Variants in MYO3B observed in about 807,000 individuals in gnomAD.
The protein encoded by MYO3B is myosin-IIIb.
Under a neutral mutation model 174.6 loss-of-function variants are expected in MYO3B, and 156 were observed. That is an observed-to-expected ratio of 0.89 (90% CI 0.78 to 1.02). MYO3B has a LOEUF of 1.02. MYO3B is among the 50% of genes least tolerant of loss of function. MYO3B has a pLI of 0.00. For synonymous variants in MYO3B, 563 were observed against 569.1 expected, an observed-to-expected ratio of 0.99 and a Z score of 0.15; for missense variants, 1,632 against 1,639.4, an observed-to-expected ratio of 1.00 and a Z score of 0.08.
At chr2:170,450,619 T>C (rs1475705283) in intron 23 of MYO3B, among the ~76,000 whole-genome samples, 1 of 152,106 alleles carries the variant, frequency 6.6e-6, no homozygotes, top group Non-Finnish European at 1.5e-5. Flanking sequence ...TTTCATTGTC[T>C]CTAATATTAC....
chr2:170,535,822 C>G (rs571995410), intron 30 of MYO3B, among the ~76,000 whole-genome samples: 38 of 152,332 alleles, frequency 2.5e-4, no homozygotes, highest in African/African-American at 9.1e-4. Context: ...TCACATAAAG[C>G]TCAGCTGTTC....
chr2:170,549,835 C>A (rs891170275), intron 32 of MYO3B, among the ~76,000 whole-genome samples: 1 of 152,204 alleles, frequency 6.6e-6, no homozygotes, highest in Non-Finnish European at 1.5e-5. Flanking sequence ...GCAACAGAAT[C>A]ACTTCACACT....
intron 32 of MYO3B, among the ~76,000 whole-genome samples, chr2:170,557,662 T>C (rs552711430): frequency 6.6e-6 from 1 of 152,300 alleles, no homozygotes; most frequent in East Asian, 1.9e-4. Context: ...GTGAAATTTA[T>C]ATTCTGAGAG....
chr2:170,566,990 A>G (rs1176899207), intron 32 of MYO3B, among the ~76,000 whole-genome samples: 2 of 152,150 alleles, frequency 1.3e-5, no homozygotes, highest in Non-Finnish European at 1.5e-5. Context: ...CAACCATCCA[A>G]TCTTTAATAT....
intron 30 of MYO3B, among the ~76,000 whole-genome samples, chr2:170,534,552 C>A (rs1689562942): frequency 6.6e-6 from 1 of 152,086 alleles, no homozygotes; most frequent in African/African-American, 2.4e-5. Context: ...CTTAAGTGAT[C>A]CTCCCATTTT....
intron 25 of MYO3B, among the ~76,000 whole-genome samples, chr2:170,494,623 G>C (rs1239890382): frequency 1.3e-5 from 2 of 151,200 alleles, no homozygotes; most frequent in African/African-American, 4.9e-5. Flanking sequence ...AGCTACTCAG[G>C]AGGCTGAGGC....
At chr2:170,489,659 G>GTGTGTGTGTGTA (rs1477534747) in intron 25 of MYO3B, among the ~76,000 whole-genome samples, 7 of 149,240 alleles carry the variant, frequency 4.7e-5, no homozygotes, top group African/African-American at 1.8e-4. Flanking sequence ...GTGTGTGTGT[G>GTGTGTGTGTGTA]TGTGTGTGTC....
intron 25 of MYO3B, among the ~76,000 whole-genome samples, chr2:170,485,422 G>C (rs530180822): frequency 0.061 from 7,282 of 120,284 alleles, 389 homozygotes; most frequent in African/African-American, 0.19. Flanking sequence ...CACACACACA[G>C]AGAGAGAGAG....
chr2:170,461,838 A>T (rs1336089503), intron 23 of MYO3B, among the ~76,000 whole-genome samples: 2 of 150,892 alleles, frequency 1.3e-5, no homozygotes, highest in Non-Finnish European at 3.0e-5. Flanking sequence ...ATATGTATGG[A>T]GGTCGGCGGG....
At chr2:170,203,930 AAG>A (rs1274402224) in intron 3 of MYO3B, among the ~76,000 whole-genome samples, 2 of 152,136 alleles carry the variant, frequency 1.3e-5, no homozygotes, top group Non-Finnish European at 2.9e-5. Context: ...TGTTCAACAA[AAG>A]AGAGAGAGTT....
At chr2:170,492,436 T>G (rs574803912) in intron 25 of MYO3B, among the ~76,000 whole-genome samples, 4 of 152,288 alleles carry the variant, frequency 2.6e-5, no homozygotes, top group African/African-American at 9.6e-5. Context: ...GGTAGTAGAG[T>G]CTGAAGCCTG....
At chr2:170,341,446 C>A (rs945397883) in intron 8 of MYO3B, 1 of 152,144 alleles carries the variant, frequency 6.6e-6, no homozygotes, top group Non-Finnish European at 1.5e-5. Context: ...TAGAAGGATA[C>A]AATAACCTTT....
intron 9 of MYO3B, among the ~76,000 whole-genome samples, chr2:170,374,499 T>C (rs2094274216): frequency 6.6e-6 from 1 of 152,142 alleles, no homozygotes; most frequent in Admixed American, 6.5e-5. Flanking sequence ...TTTTTAAGTG[T>C]TGACAGGTTG....
intron 12 of MYO3B, chr2:170,385,912 A>G (rs1195215864): frequency 8.4e-6 from 2 of 236,988 alleles, no homozygotes; most frequent in Non-Finnish European, 1.6e-5. Context: ...TGACTTAAGT[A>G]TAAGGTTATT....
chr2:170,452,572 A>G (rs1172112700), intron 23 of MYO3B, among the ~76,000 whole-genome samples: 2 of 152,190 alleles, frequency 1.3e-5, no homozygotes, highest in Admixed American at 1.3e-4. Flanking sequence ...TTTTAAAAAA[A>G]CTTTTAAAAT....
chr2:170,248,122 A>G (rs1261746266), intron 7 of MYO3B, among the ~76,000 whole-genome samples: 1 of 152,196 alleles, frequency 6.6e-6, no homozygotes, highest in East Asian at 1.9e-4. Context: ...TGCATTACTC[A>G]TCAGTCTTGA....
chr2:170,469,691 A>G (rs1453025595), intron 25 of MYO3B, among the ~76,000 whole-genome samples: 1 of 152,208 alleles, frequency 6.6e-6, no homozygotes, highest in East Asian at 1.9e-4. Flanking sequence ...AAAGTTTCTA[A>G]AAAATGTTCC....
At chr2:170,374,341 C>T (rs2094272310) in intron 9 of MYO3B, among the ~76,000 whole-genome samples, 1 of 151,892 alleles carries the variant, frequency 6.6e-6, no homozygotes, top group Non-Finnish European at 1.5e-5. Context: ...CTGGGACTGG[C>T]TATTACAACA....
chr2:170,278,125 A>G (rs1368875021), intron 7 of MYO3B, among the ~76,000 whole-genome samples: 2 of 152,176 alleles, frequency 1.3e-5, no homozygotes, highest in African/African-American at 4.8e-5. Flanking sequence ...CCAGTGCACA[A>G]AGCATTATGA....
Sources: gnomAD v4.1 joint callset for allele counts (sites outside exome capture counted in the v4.1 genomes callset) on GRCh38, gnomAD v4.1.1 for gene constraint, MANE v1.5 for transcripts, NCBI Gene and HGNC (gene_info 2026-07-23, HGNC 2026-07-21) for gene names.